Variants in RGS22 observed in about 807,000 individuals in gnomAD.
RGS22 encodes regulator of G protein signaling 22.
A neutral mutation model predicts 172.9 loss-of-function variants in RGS22; 148 were observed. The observed-to-expected ratio is 0.86, with a 90% confidence interval of 0.75 to 0.98. RGS22 has a LOEUF of 0.98. Ranked by LOEUF, RGS22 falls within the 50% of genes least tolerant of loss-of-function variation. The pLI is 0.00. For missense variants in RGS22, 1,347 were observed against 1,440.8 expected (o/e 0.93, Z 1.05); for synonymous variants, 458 against 480.2 (o/e 0.95, Z 0.60).
At chr8:100,033,922 T>C (rs1160162808) in intron 14 of RGS22, among the ~76,000 whole-genome samples, 1 of 152,208 alleles carries the variant, frequency 6.6e-6, no homozygotes, top group African/African-American at 2.4e-5. Context: ...CAGCCATTCA[T>C]GCTAAAAACT....
chr8:100,075,720 T>C (rs1294417546), intron 4 of RGS22, among the ~76,000 whole-genome samples: 1 of 152,226 alleles, frequency 6.6e-6, no homozygotes, highest in Non-Finnish European at 1.5e-5. Context: ...ACATATGTTT[T>C]CAATACTCTT....
intron 3 of RGS22, among the ~76,000 whole-genome samples, chr8:100,086,941 ACTTCATGCTG>A (rs1418369615): frequency 2.0e-5 from 3 of 152,108 alleles, no homozygotes; most frequent in Non-Finnish European, 2.9e-5. Context: ...TCTGTTGGTT[ACTTCATGCTG>A]ACTCTCATGG....
Position 100,008,718 on chromosome 8 carries a change from C to A in RGS22, c.2167-149G>T, listed in dbSNP as rs1016591595. 2.8e-5 allele frequency: 16 copies of A among 579,150 alleles called. No homozygotes were observed. The African/African-American group carries it at 3.1e-4, about 11-fold the overall frequency. 35.9% of individuals were successfully genotyped at this position (579,150 alleles called of 1,614,324 possible). A position where few individuals can be genotyped will look rare whatever the true frequency, so the allele number is the denominator to read the frequency against. On this transcript the variant is annotated intron_variant, in intron 14 of 27. Transcript: ENST00000360863. ...TGAAAATATGGGTAAAACTACTTAACACGAAGCAATGCATCTATTCGAAAG... is the reference window on the plus strand; with the variant it reads ...TGAAAATATGGGTAAAACTACTTAAAACGAAGCAATGCATCTATTCGAAAG...
intron 2 of RGS22, among the ~76,000 whole-genome samples, chr8:100,101,288 TTC>T (rs1813455457): frequency 6.6e-6 from 1 of 150,956 alleles, no homozygotes. Context: ...ACTCCTAAAT[TTC>T]TTTTTTTTTT....
chr8:99,982,639 C>T (rs950059507), intron 21 of RGS22, among the ~76,000 whole-genome samples: 6 of 152,192 alleles, frequency 3.9e-5, no homozygotes, highest in Non-Finnish European at 7.3e-5. Context: ...CCGTCCAGTC[C>T]TGCTTCTACG....
intron 20 of RGS22, among the ~76,000 whole-genome samples, chr8:99,991,693 T>G (rs568185435): frequency 1.3e-5 from 2 of 152,206 alleles, no homozygotes; most frequent in African/African-American, 4.8e-5. Context: ...GAAAACACTC[T>G]TCAGGATATT....
chr8:100,008,618 T>C, intron 14 of RGS22, 49 bp from the exon 15 acceptor site: 1 of 1,427,860 alleles, frequency 7.0e-7, no homozygotes, highest in South Asian at 1.3e-5. Flanking sequence ...GAAGCCACAA[T>C]GGTTAGCAGA....
chr8:99,982,358 T>C (rs1050871513), intron 21 of RGS22, among the ~76,000 whole-genome samples: 3 of 152,214 alleles, frequency 2.0e-5, no homozygotes, highest in African/African-American at 7.2e-5. Flanking sequence ...TGATCACTTA[T>C]TCCTCTAGGC....
Position 99,978,149 on chromosome 8 carries a change from G to A in RGS22, c.3361-74C>T, listed in dbSNP as rs1812188545. On this transcript the variant is annotated intron_variant, in intron 22 of 27. Coordinates refer to ENST00000360863, the MANE Select transcript of RGS22 (RefSeq NM_015668.5). ...TTAAACTCTATTCACCATAATAACA[G>A]ATTAACTATTATATCTTTAATATAT... 3.4e-5 allele frequency: 28 copies of A among 817,538 alleles called. No individual in the cohort carries two copies. In the South Asian group the frequency reaches 6.8e-4, roughly 20 times the overall value. The allele number at this position is 817,538 out of a possible 1,614,324, so 50.6% of individuals were successfully genotyped here.
rs1333152383 is a variant in RGS22, at chr8:100,093,477, T to C, written c.87A>G (p.Val29=). The change falls in exon 3 of 28, where the codon GTA becomes GTG. Residue 29 remains valine (V), a synonymous_variant. Transcript: ENST00000360863. ...EDSLATDDFL[V]DYFNEFLSLP... ...GGCTTAGGAATTCATTAAAGTAGTC[T>C]ACAAGGAAATCATCTGTTGCCAGAG... The C allele has an allele frequency of 6.3e-7, 1 of 1,598,268 alleles. No individual in the cohort carries two copies. The highest frequency in any genetic ancestry group is 8.6e-7 in the Non-Finnish European group (1 of 1,169,190).
intron 20 of RGS22, among the ~76,000 whole-genome samples, chr8:99,993,714 G>A (rs377453527): frequency 9.2e-5 from 14 of 152,256 alleles, no homozygotes; most frequent in African/African-American, 3.1e-4. Flanking sequence ...CATTCCTTCC[G>A]AAACTATTCC....
chr8:100,067,210 T>A (rs1166017818), intron 6 of RGS22, among the ~76,000 whole-genome samples: 1 of 152,114 alleles, frequency 6.6e-6, no homozygotes, highest in East Asian at 1.9e-4. Context: ...CCCTATCTAT[T>A]AAGCAGAATT....
chr8:99,987,697 G>A, intron 20 of RGS22, 78 bp from the exon 21 acceptor site: 1 of 1,186,286 alleles, frequency 8.4e-7, no homozygotes, highest in Admixed American at 2.7e-5. Flanking sequence ...CTAAAATTTT[G>A]CCTGTTGAAA....
At chr8:100,081,263 T>C (rs773165301) in intron 3 of RGS22, among the ~76,000 whole-genome samples, 9 of 151,860 alleles carry the variant, frequency 5.9e-5, no homozygotes, top group Non-Finnish European at 8.8e-5. Flanking sequence ...CAAGTTTTAC[T>C]AAGGGATTGC....
intron 3 of RGS22, among the ~76,000 whole-genome samples, chr8:100,087,126 A>G (rs1292899958): frequency 6.6e-6 from 1 of 152,176 alleles, no homozygotes; most frequent in African/African-American, 2.4e-5. Context: ...TAAAACTCCT[A>G]TAGTTTAGTA....
intron 14 of RGS22, among the ~76,000 whole-genome samples, chr8:100,015,395 C>T (rs922791223): frequency 7.9e-5 from 12 of 152,056 alleles, no homozygotes; most frequent in Admixed American, 6.6e-4. Flanking sequence ...CAGGTTCAAG[C>T]GATTCTTGTG....
chr8:100,001,219 T>TATATATATATATATATATATATACACAC (rs1402594104), intron 18 of RGS22, among the ~76,000 whole-genome samples: 3 of 132,966 alleles, frequency 2.3e-5, no homozygotes, highest in African/African-American at 8.5e-5. Flanking sequence ...TATATATATA[T>TATATATATATATATATATATATACACAC]ACATATATAT....
intron 22 of RGS22, among the ~76,000 whole-genome samples, chr8:99,981,727 T>G (rs1370133622): frequency 1.4e-5 from 2 of 147,366 alleles, no homozygotes; most frequent in Non-Finnish European, 3.0e-5. Flanking sequence ...TTTTTAGGTT[T>G]TTTTTTTTTT....
At chr8:100,046,905 C>T (rs1820782831) in intron 11 of RGS22, among the ~76,000 whole-genome samples, 1 of 151,898 alleles carries the variant, frequency 6.6e-6, no homozygotes, top group Admixed American at 6.6e-5. Context: ...AACTCTGCCT[C>T]CCGGGTTCAA....
Sources: gnomAD v4.1 joint callset for allele counts (sites outside exome capture counted in the v4.1 genomes callset) on GRCh38, gnomAD v4.1.1 for gene constraint, MANE v1.5 for transcripts, NCBI Gene and HGNC (gene_info 2026-07-23, HGNC 2026-07-21) for gene names.